The following PRKN variants were observed in gnomAD, a reference collection of about 807,000 sequenced individuals.
PRKN encodes the protein E3 ubiquitin-protein ligase parkin.
Under a neutral mutation model 59.5 loss-of-function variants are expected in PRKN, and 56 were observed. The observed-to-expected ratio is 0.94, with a 90% CI of 0.76 to 1.18. The LOEUF (loss-of-function observed/expected upper bound fraction) is 1.18, where lower values mean the gene tolerates loss of function less well. PRKN is among the 50% of genes most tolerant of loss of function. The pLI, the probability that PRKN is intolerant of heterozygous loss-of-function variation, is 0.00. For missense variants in PRKN, 657 were observed against 596.4 expected, an observed-to-expected ratio of 1.10 and a Z score of -1.06; for synonymous variants, 250 against 222.1, an observed-to-expected ratio of 1.13 and a Z score of -1.12.
intron 7 of PRKN, among the ~76,000 whole-genome samples, chr6:161,682,038 G>C (rs567655517): frequency 5.9e-5 from 9 of 152,288 alleles, no homozygotes; most frequent in Admixed American, 5.2e-4. Context: ...GAGGAGAAGA[G>C]AGAGGACAGG....
chr6:162,067,056 T>C (rs1778371182), intron 4 of PRKN, among the ~76,000 whole-genome samples: 1 of 152,212 alleles, frequency 6.6e-6, no homozygotes, highest in South Asian at 2.1e-4. Context: ...GTCCTTTTCT[T>C]CATCCATTTT....
chr6:161,477,603 A>G (rs747826305), intron 9 of PRKN, among the ~76,000 whole-genome samples: 3 of 152,146 alleles, frequency 2.0e-5, no homozygotes, highest in Non-Finnish European at 1.5e-5. Flanking sequence ...CAGTTGCAGC[A>G]TAGAAGAAAA....
At chr6:161,972,857 C>T (rs1780875732) in intron 6 of PRKN, among the ~76,000 whole-genome samples, 1 of 152,106 alleles carries the variant, frequency 6.6e-6, no homozygotes, top group South Asian at 2.1e-4. Flanking sequence ...CATGGGGAAA[C>T]CCTGTCTCTA....
chr6:161,819,211 T>C (rs972302087), intron 6 of PRKN, among the ~76,000 whole-genome samples: 4 of 152,016 alleles, frequency 2.6e-5, no homozygotes, highest in African/African-American at 9.7e-5. Flanking sequence ...TTAAAAATAA[T>C]AGCAGGCCAG....
chr6:161,823,490 G>A (rs1281862811), intron 6 of PRKN, among the ~76,000 whole-genome samples: 1 of 152,100 alleles, frequency 6.6e-6, no homozygotes, highest in Non-Finnish European at 1.5e-5. Flanking sequence ...ATAAGTGTAT[G>A]AAATATTTGG....
chr6:162,063,661 C>T (rs1235257972), intron 4 of PRKN, among the ~76,000 whole-genome samples: 1 of 152,038 alleles, frequency 6.6e-6, no homozygotes, highest in Non-Finnish European at 1.5e-5. Context: ...ACTCCTGCTT[C>T]AGCCTTCCAA....
chr6:161,439,492 T>G (rs1789088857), intron 9 of PRKN, among the ~76,000 whole-genome samples: 1 of 152,204 alleles, frequency 6.6e-6, no homozygotes, highest in South Asian at 2.1e-4. Flanking sequence ...AAGCTCTGTT[T>G]ACAACCCGAA....
Position 162,181,051 on chromosome 6 carries a change from C to A in PRKN, c.534+20080G>T, listed in dbSNP as rs79820255. ...ATTTGTAAGCTTATTTGTTCCTTTA[C>A]ACCACGTTTCATTCAGAAAGAACGT... is the stretch of plus-strand genomic sequence containing the variant. On this transcript the variant is annotated intron_variant, in intron 4 of 11. Coordinates refer to ENST00000366898, the MANE Select transcript of PRKN (RefSeq NM_004562.3). Among the ~76,000 whole-genome samples the A allele has an allele frequency of 3.4e-3, 514 of 152,300 alleles. 2 individuals are homozygous for A. The highest frequency in any genetic ancestry group is 0.012 in the African/African-American group (485 of 41,552).
intron 1 of PRKN, among the ~76,000 whole-genome samples, chr6:162,515,487 G>A (rs1035083919): frequency 6.6e-6 from 1 of 152,096 alleles, no homozygotes; most frequent in African/African-American, 2.4e-5. Flanking sequence ...CATAAAATCA[G>A]AAGAAATATA....
intron 5 of PRKN, 23 bp from the exon 6 acceptor site, chr6:161,973,440 C>A: frequency 1.5e-6 from 2 of 1,295,572 alleles, no homozygotes; most frequent in Non-Finnish European, 2.2e-6. Flanking sequence ...TAAATATGAT[C>A]ACACACATGG....
rs186834759 is a variant in PRKN, at chr6:161,869,472, C to G, written c.735-83564G>C. On this transcript the variant is annotated intron_variant, in intron 6 of 11. Transcript: ENST00000366898. ...TAAGAGCCCTGTGCTATGTTTTGAG[C>G]TGATAAATACGAGGCCAAGAAGAAA... is the stretch of plus-strand genomic sequence containing the variant. Among the ~76,000 whole-genome samples, 95 of 152,242 alleles carry G rather than the reference C, an allele frequency of 6.2e-4. 2 individuals carry two copies. Among genetic ancestry groups the G allele is most frequent in the Middle Eastern group, 6.8e-3 (2 of 294 alleles).
rs189280010 is a variant in PRKN, at chr6:162,104,631, G to A, written c.535-50457C>T. Among the ~76,000 whole-genome samples, 4 of 152,282 alleles carry A rather than the reference G, an allele frequency of 2.6e-5. No homozygotes were observed. In the East Asian group the frequency reaches 7.8e-4, roughly 30 times the overall value. The stretch of plus-strand genomic sequence containing the variant: ...AATAAATAAGAATGAAATGCAGCCT[G>A]CATCAGCAGGCCAGGCGTGGACTCT... On this transcript the variant is annotated intron_variant, in intron 4 of 11. Transcript: ENST00000366898.
intron 8 of PRKN, among the ~76,000 whole-genome samples, chr6:161,567,307 CAA>C (rs763220208): frequency 4.1e-4 from 63 of 152,154 alleles, no homozygotes; most frequent in Non-Finnish European, 4.6e-4. Flanking sequence ...CTTGGCCTCC[CAA>C]AGTGTTATCA....
At chr6:161,627,685 A>G (rs73782955) in intron 7 of PRKN, among the ~76,000 whole-genome samples, 4,083 of 152,286 alleles carry the variant, frequency 0.027, 191 homozygotes, top group African/African-American at 0.093. Context: ...TTGATCCCCA[A>G]TTCAGGGAGC....
In PRKN at chr6:161,367,468, T is replaced by G. The variant is rs1210729467; in HGVS notation, c.1168-7263A>C. Among the ~76,000 whole-genome samples the G allele has an allele frequency of 3.4e-5, 5 of 147,656 alleles. No homozygotes were observed. In the South Asian group the frequency reaches 8.8e-4, roughly 26 times the overall value. ...GTAGAAAACTAATAAGATGTGTCTTTTCTTTTTTTTTTTTTTCTGGTAGAC... is the reference window on the plus strand; with the variant it reads ...GTAGAAAACTAATAAGATGTGTCTTGTCTTTTTTTTTTTTTTCTGGTAGAC... On this transcript the variant is annotated intron_variant, in intron 10 of 11. Transcript: ENST00000366898.
intron 6 of PRKN, among the ~76,000 whole-genome samples, chr6:161,857,546 A>C (rs2128223727): frequency 1.3e-5 from 2 of 152,280 alleles, no homozygotes; most frequent in Admixed American, 1.3e-4. Context: ...CCACATTTTC[A>C]ATCTAGCAAA....
chr6:162,630,317 C>G (rs1193559684), intron 1 of PRKN, among the ~76,000 whole-genome samples: 1 of 152,122 alleles, frequency 6.6e-6, no homozygotes, highest in Non-Finnish European at 1.5e-5. Flanking sequence ...ACTAATGCTG[C>G]ACAGATCTTC....
In PRKN at chr6:161,995,281, A is replaced by G. The variant is rs185824228; in HGVS notation, c.619-21864T>C. ...TCACTATATGCAAAAATCAAGGCAG[A>G]ATGACTTAAACATAAAACCCCAAAG... On this transcript the variant is annotated intron_variant, in intron 5 of 11. Transcript: ENST00000366898. Among the ~76,000 whole-genome samples the G allele has an allele frequency of 2.6e-5, 4 of 152,332 alleles. No individual in the cohort carries two copies. In the East Asian group the frequency reaches 7.7e-4, roughly 29 times the overall value.
chr6:162,021,165 T>A (rs9364632), intron 5 of PRKN, among the ~76,000 whole-genome samples: 6,612 of 31,328 alleles, frequency 0.21, 1,240 homozygotes, highest in East Asian at 0.66. Flanking sequence ...TATATATATA[T>A]AAAATATATG....
Sources: allele counts gnomAD v4.1 joint callset (sites outside exome capture counted in the v4.1 genomes callset), GRCh38; gene constraint gnomAD v4.1.1; transcripts MANE v1.5; gene names NCBI Gene and HGNC (gene_info 2026-07-23, HGNC 2026-07-21).